ERCC6L2: variants seen among roughly 807,000 people sequenced by gnomAD.
ERCC6L2 encodes the protein ERCC excision repair 6 like 2.
ERCC6L2 carries 77 observed loss-of-function variants against 132.0 expected under a neutral mutation model. That is an observed-to-expected ratio of 0.58 (90% CI 0.49 to 0.71). The LOEUF (loss-of-function observed/expected upper bound fraction) is 0.71. Ranked by LOEUF, ERCC6L2 falls within the 30% of genes least tolerant of loss-of-function variation. The pLI, the probability that ERCC6L2 is intolerant of heterozygous loss-of-function variation, is 0.00. For missense variants in ERCC6L2, 1,542 were observed against 1,837.6 expected, an observed-to-expected ratio of 0.84 and a Z score of 2.94; for synonymous variants, 583 against 632.4, an observed-to-expected ratio of 0.92 and a Z score of 1.17.
intron 2 of ERCC6L2, among the ~76,000 whole-genome samples, chr9:95,892,234 C>T (rs867934333): frequency 1.3e-5 from 2 of 152,028 alleles, no homozygotes; most frequent in African/African-American, 4.8e-5. Context: ...TAATAAATTA[C>T]TGCATACTAT....
chr9:95,995,390 G>A (rs1041414155), intron 17 of ERCC6L2, among the ~76,000 whole-genome samples: 3 of 152,184 alleles, frequency 2.0e-5, no homozygotes, highest in African/African-American at 7.2e-5. Flanking sequence ...CTTTTCTGCT[G>A]TTAACCAGTA....
At chr9:95,947,634 A>G (rs185605274) in intron 12 of ERCC6L2, among the ~76,000 whole-genome samples, 44 of 152,356 alleles carry the variant, frequency 2.9e-4, no homozygotes, top group Non-Finnish European at 5.6e-4. Context: ...GTCAATAAAG[A>G]GGAGAGTTAA....
intron 19 of ERCC6L2, among the ~76,000 whole-genome samples, chr9:96,036,932 A>G (rs1485906508): frequency 1.3e-5 from 2 of 149,230 alleles, no homozygotes; most frequent in African/African-American, 4.9e-5. Flanking sequence ...ACGCCCGGCT[A>G]ATTTTTTGTA....
intron 17 of ERCC6L2, among the ~76,000 whole-genome samples, chr9:95,996,648 G>A (rs1833481799): frequency 6.6e-6 from 1 of 152,174 alleles, no homozygotes; most frequent in South Asian, 2.1e-4. Context: ...GGCCCTTAAG[G>A]ATTATGCCAA....
At chr9:96,038,336 C>T (rs568420399) in intron 19 of ERCC6L2, among the ~76,000 whole-genome samples, 74 of 152,210 alleles carry the variant, frequency 4.9e-4, no homozygotes, top group South Asian at 3.3e-3. Flanking sequence ...GGAGAGAAGC[C>T]CCTCTTCCCC....
intron 14 of ERCC6L2, chr9:95,968,718 C>T (rs1284600487): frequency 6.6e-6 from 1 of 152,090 alleles, no homozygotes; most frequent in Non-Finnish European, 1.5e-5. Flanking sequence ...TATGGTTTCT[C>T]TTCAAAGATA....
intron 6 of ERCC6L2, among the ~76,000 whole-genome samples, chr9:95,919,468 C>A (rs149798584): frequency 6.6e-6 from 1 of 152,168 alleles, no homozygotes; most frequent in African/African-American, 2.4e-5. Context: ...CCCATGAGTT[C>A]AACATCAAAG....
chr9:95,984,554 T>C (rs1056277833), intron 17 of ERCC6L2, among the ~76,000 whole-genome samples: 4 of 152,090 alleles, frequency 2.6e-5, no homozygotes, highest in African/African-American at 9.7e-5. Context: ...CCTCTTACAC[T>C]CTTTCTGCTT....
chr9:96,030,259 A>G (rs1628930), intron 19 of ERCC6L2, among the ~76,000 whole-genome samples: 99,047 of 151,504 alleles, frequency 0.65, 33,151 homozygotes, highest in African/African-American at 0.81. Context: ...AGCAGGACAT[A>G]GGCGGGGACA....
At chr9:95,971,704 C>T (rs1832421365) in intron 15 of ERCC6L2, 2 of 209,116 alleles carry the variant, frequency 9.6e-6, no homozygotes, top group East Asian at 1.2e-4. Flanking sequence ...TTATATGGTA[C>T]TCTAGTTTAA....
At chr9:95,883,139 A>G (rs561033694) in intron 2 of ERCC6L2, among the ~76,000 whole-genome samples, 18 of 152,270 alleles carry the variant, frequency 1.2e-4, no homozygotes, top group African/African-American at 4.3e-4. Context: ...AACTCACCAG[A>G]TCGTAGAATT....
intron 12 of ERCC6L2, 81 bp downstream of exon 12, chr9:95,941,630 C>A: frequency 2.0e-6 from 2 of 987,760 alleles, no homozygotes; most frequent in Non-Finnish European, 3.1e-6. Context: ...GTTGCTTATA[C>A]TATGACTATG....
In ERCC6L2 at chr9:95,877,546, G is replaced by T. The variant is rs1203216172; in HGVS notation, c.46+1462G>T. On this transcript the variant is annotated intron_variant, in intron 1 of 18. Coordinates refer to ENST00000653738, the MANE Select transcript of ERCC6L2 (RefSeq NM_020207.7). ...ATTGATAATTTGTAATAGGCCAGGC[G>T]CATGGCTCACACCTGTAATCCCAGT... Among the ~76,000 whole-genome samples the T allele has an allele frequency of 5.3e-5, 8 of 152,176 alleles. No individual in the cohort carries two copies. In the East Asian group the frequency reaches 1.5e-3, roughly 29 times the overall value.
chr9:95,963,911 C>G (rs970655403), intron 13 of ERCC6L2, among the ~76,000 whole-genome samples: 1 of 152,128 alleles, frequency 6.6e-6, no homozygotes, highest in Non-Finnish European at 1.5e-5. Flanking sequence ...GTGACCTGCC[C>G]TACTACTGCT....
At chr9:96,021,315 A>G (rs888595739), downstream of ERCC6L2, 15 of 329,306 alleles carry the variant, frequency 4.6e-5, no homozygotes, top group South Asian at 2.7e-4. This position sits in a 1 kb window ranked among gnomAD's most constrained non-coding sequence, Gnocchi z 4.7. Flanking sequence ...CGATTAACTG[A>G]TGGCTTGGCC....
At chr9:95,956,256 A>T (rs926506370) in intron 13 of ERCC6L2, among the ~76,000 whole-genome samples, 3 of 152,124 alleles carry the variant, frequency 2.0e-5, no homozygotes, top group Non-Finnish European at 4.4e-5. Context: ...TTACCAAGGG[A>T]TCTTGTCAAA....
intron 17 of ERCC6L2, among the ~76,000 whole-genome samples, chr9:95,980,876 C>T (rs925412677): frequency 1.4e-4 from 22 of 152,118 alleles, no homozygotes; most frequent in Admixed American, 1.2e-3. Flanking sequence ...GACCTCCCAC[C>T]GATGTTACAG....
intron 19 of ERCC6L2, among the ~76,000 whole-genome samples, chr9:96,029,042 G>T (rs568147661): frequency 5.9e-5 from 9 of 152,002 alleles, no homozygotes; most frequent in Admixed American, 3.3e-4. Context: ...CGGTGGCTCA[G>T]GCCTGTAATC....
intron 17 of ERCC6L2, among the ~76,000 whole-genome samples, chr9:95,990,167 G>A (rs1175785037): frequency 6.6e-6 from 1 of 152,186 alleles, no homozygotes; most frequent in African/African-American, 2.4e-5. Flanking sequence ...CCACAGTGAA[G>A]AAGGCCAGGA....
Sources: allele counts gnomAD v4.1 joint callset (sites outside exome capture counted in the v4.1 genomes callset), GRCh38; gene constraint gnomAD v4.1.1; non-coding constraint Gnocchi (gnomAD v3.1); transcripts MANE v1.5; gene names NCBI Gene and HGNC (gene_info 2026-07-23, HGNC 2026-07-21).